Variants in YBEY observed in about 807,000 individuals in gnomAD.
The protein encoded by YBEY is endoribonuclease YbeY.
In YBEY, 15 loss-of-function variants were observed where a neutral mutation model predicts 13.5. The ratio of observed to expected loss-of-function variants is 1.11; its 90% CI spans 0.75 to 1.72. YBEY has a LOEUF of 1.72. Ranked by LOEUF, YBEY falls within the 40% of genes most tolerant of loss-of-function variation. YBEY has a pLI of 0.00. For missense variants in YBEY, 244 were observed against 208.4 expected, an observed-to-expected ratio of 1.17 and a Z score of -1.05; for synonymous variants, 101 against 83.1, an observed-to-expected ratio of 1.21 and a Z score of -1.17.
chr21:46,295,302 T>C (rs1289126531), intron 3 of YBEY, among the ~76,000 whole-genome samples: 1 of 151,778 alleles, frequency 6.6e-6, no homozygotes, highest in East Asian at 1.9e-4. Flanking sequence ...AGCTGCACTC[T>C]CCATCTACCC....
At chr21:46,288,579 T>C (rs2081562835) in intron 2 of YBEY, among the ~76,000 whole-genome samples, 2 of 151,758 alleles carry the variant, frequency 1.3e-5, no homozygotes, top group Admixed American at 1.3e-4. Flanking sequence ...CTCGGGAGGC[T>C]GAGGCAGGAA....
the YBEY span, among the ~76,000 whole-genome samples, chr21:46,307,944 T>C: frequency 6.6e-6 from 1 of 152,160 alleles, no homozygotes; most frequent in Non-Finnish European, 1.5e-5. Context: ...TCACAAACAT[T>C]ACTAGTGAGA....
At position 46,291,498 on chromosome 21, in the gene YBEY, A is replaced by G. The variant is rs1442274255; in HGVS notation, c.339+36A>G. 5 of 1,611,316 alleles carry G rather than the reference A, an allele frequency of 3.1e-6. No homozygotes were observed. The Admixed American group carries it at 5.0e-5, about 16-fold the overall frequency. The stretch of plus-strand genomic sequence containing the variant: ...ATGCTGAAATCATATAACCTGGCTC[A>G]TGGAACATGGGCCTTGCAAAGGGGT... On this transcript the variant is annotated intron_variant, in intron 3 of 4. Transcript: ENST00000397701.
At chr21:46,295,290 T>C (rs1422231983) in intron 3 of YBEY, among the ~76,000 whole-genome samples, 1 of 151,928 alleles carries the variant, frequency 6.6e-6, no homozygotes. Context: ...GGGCTGGCTC[T>C]CAGCTGCACT....
At chr21:46,296,093 T>C in intron 3 of YBEY, 69 bp from the exon 4 acceptor site, 1 of 1,575,760 alleles carries the variant, frequency 6.3e-7, no homozygotes, top group Non-Finnish European at 8.7e-7. Flanking sequence ...CCTGTGGCCC[T>C]GGGGTGGCCC....
At chr21:46,299,222 C>A (rs1191698964), downstream of YBEY, among the ~76,000 whole-genome samples, 5 of 152,164 alleles carry the variant, frequency 3.3e-5, no homozygotes, top group Non-Finnish European at 7.3e-5. Flanking sequence ...TCCGCCTAGG[C>A]CTCCCAAAGT....
downstream of YBEY, chr21:46,302,535 G>A (rs2082154939): frequency 1.2e-6 from 2 of 1,612,626 alleles, no homozygotes; most frequent in Non-Finnish European, 1.7e-6. Flanking sequence ...AGGACCAACT[G>A]GTGCACCTGT....
At chr21:46,302,705 A>G, downstream of YBEY, 1 of 741,918 alleles carries the variant, frequency 1.3e-6, no homozygotes, top group South Asian at 1.7e-5. Context: ...GCAGGCTCTG[A>G]GTCCGTCTGC....
downstream of YBEY, chr21:46,302,426 A>G: frequency 7.2e-7 from 1 of 1,385,794 alleles, no homozygotes; most frequent in Non-Finnish European, 1.0e-6. Flanking sequence ...AATTTCCAGA[A>G]GAAAAACCAC....
chr21:46,310,600 G>T, the YBEY span, among the ~76,000 whole-genome samples: 1 of 151,848 alleles, frequency 6.6e-6, no homozygotes, highest in East Asian at 1.9e-4. Context: ...CCTGAGGTTG[G>T]GAGTTCAAGA....
chr21:46,307,201 T>A, the YBEY span, among the ~76,000 whole-genome samples: 1 of 151,036 alleles, frequency 6.6e-6, no homozygotes, highest in Non-Finnish European at 1.5e-5. Context: ...CAGCCAAGAT[T>A]GCATCTTGCT....
chr21:46,300,654 C>G, downstream of YBEY: 3 of 1,256,424 alleles, frequency 2.4e-6, no homozygotes, highest in South Asian at 3.9e-5. Context: ...CATGTCAGCA[C>G]CAGGTGGCTG....
At chr21:46,287,468 T>G (rs2081501217) in intron 2 of YBEY, among the ~76,000 whole-genome samples, 1 of 152,176 alleles carries the variant, frequency 6.6e-6, no homozygotes, top group Non-Finnish European at 1.5e-5. Context: ...CCCAGAGTGT[T>G]GGGATTACAG....
At chr21:46,290,442 G>C (rs2081652307) in intron 2 of YBEY, among the ~76,000 whole-genome samples, 1 of 151,904 alleles carries the variant, frequency 6.6e-6, no homozygotes, top group Admixed American at 6.6e-5. Context: ...CTGACCTCTT[G>C]ATCTGCCCGC....
At chr21:46,308,290 G>A in the YBEY span, among the ~76,000 whole-genome samples, 5 of 151,882 alleles carry the variant, frequency 3.3e-5, no homozygotes, top group South Asian at 2.1e-4. Flanking sequence ...GAGAAACCCC[G>A]TCTCTACTAA....
At chr21:46,302,628 T>C, downstream of YBEY, 1 of 1,407,996 alleles carries the variant, frequency 7.1e-7, no homozygotes, top group Non-Finnish European at 9.9e-7. Context: ...TTTTCCTATT[T>C]GTTAAAGTGA....
At chr21:46,289,612 AT>A (rs983006869) in intron 2 of YBEY, among the ~76,000 whole-genome samples, 1,522 of 142,674 alleles carry the variant, frequency 0.011, 19 homozygotes, top group African/African-American at 0.032. Context: ...CATCTGGCTA[AT>A]TTTTTTTTTT....
chr21:46,313,033 C>T, the YBEY span: 1 of 985,458 alleles, frequency 1.0e-6, no homozygotes, highest in Non-Finnish European at 1.2e-6. Flanking sequence ...CTTGTCCCTT[C>T]TTCCTCAGTT....
intron 3 of YBEY, among the ~76,000 whole-genome samples, chr21:46,295,563 T>A (rs1237309145): frequency 6.6e-6 from 1 of 151,428 alleles, no homozygotes; most frequent in Non-Finnish European, 1.5e-5. Flanking sequence ...AATCCAGCCC[T>A]CTCTCCAGGG....
Sources: allele counts gnomAD v4.1 joint callset (sites outside exome capture counted in the v4.1 genomes callset), GRCh38; gene constraint gnomAD v4.1.1; transcripts MANE v1.5; gene names NCBI Gene and HGNC (gene_info 2026-07-23, HGNC 2026-07-21).